MYPN: variants seen among roughly 807,000 people sequenced by gnomAD.
The protein encoded by MYPN is myopalladin, also known as sarcomeric protein myopalladin, 145 kDa (MYOP).
In MYPN, 63 loss-of-function variants were observed where a neutral mutation model predicts 129.4. The ratio of observed to expected loss-of-function variants is 0.49; its 90% CI spans 0.40 to 0.60. The LOEUF (loss-of-function observed/expected upper bound fraction) is 0.60. MYPN is among the 20% of genes least tolerant of loss of function. The pLI, the probability that MYPN is intolerant of heterozygous loss-of-function variation, is 0.00. For synonymous variants in MYPN, 629 were observed against 600.9 expected, an observed-to-expected ratio of 1.05 and a Z score of -0.68; for missense variants, 1,596 against 1,635.4, an observed-to-expected ratio of 0.98 and a Z score of 0.42.
At position 68,148,407 on chromosome 10, in the gene MYPN, T is replaced by TCCAGCAGTA. The variant is rs2042706109; in HGVS notation, c.1188_1196dup (p.Ala397_Pro399dup). 1 of 1,614,136 alleles carries TCCAGCAGTA rather than the reference T, an allele frequency of 6.2e-7. No homozygotes were observed. Among genetic ancestry groups the TCCAGCAGTA allele is most frequent in the Non-Finnish European group, 8.5e-7 (1 of 1,179,976 alleles). On this transcript the variant is annotated inframe_insertion, in exon 5 of 20. Coordinates refer to ENST00000358913, the MANE Select transcript of MYPN (RefSeq NM_032578.4). Reference sequence around the variant, plus strand: ...CTCCCACTACCTCTGCAGTCATTCCTCCAGCAGTACCCCAAGCCCAGCATT... The same window carrying TCCAGCAGTA: ...CTCCCACTACCTCTGCAGTCATTCCTCCAGCAGTACCAGCAGTACCCCAAGCCCAGCATT...
At chr10:68,129,044 A>C (rs1471753947) in intron 2 of MYPN, among the ~76,000 whole-genome samples, 4 of 151,802 alleles carry the variant, frequency 2.6e-5, no homozygotes, top group Non-Finnish European at 4.4e-5. Flanking sequence ...CCAAGAGGTC[A>C]GATTCTAAAA....
chr10:68,117,310 C>A (rs1199148308), intron 1 of MYPN, among the ~76,000 whole-genome samples: 2 of 151,054 alleles, frequency 1.3e-5, no homozygotes, highest in Admixed American at 1.3e-4. Flanking sequence ...AATTTATTGA[C>A]CACCTTCTAT....
chr10:68,178,704 C>A (rs116933839), intron 12 of MYPN, among the ~76,000 whole-genome samples: 7,386 of 112,852 alleles, frequency 0.065, 232 homozygotes, highest in Middle Eastern at 0.088. Context: ...CAGAGCGAGA[C>A]TCTGCCTCAA....
intron 1 of MYPN, among the ~76,000 whole-genome samples, chr10:68,110,154 C>T (rs1193172381): frequency 2.0e-5 from 3 of 152,112 alleles, no homozygotes; most frequent in East Asian, 3.8e-4. Context: ...TAAAAGGATA[C>T]GCTTGCTATA....
At chr10:68,178,198 C>A (rs1474829665) in intron 12 of MYPN, among the ~76,000 whole-genome samples, 1 of 152,174 alleles carries the variant, frequency 6.6e-6, no homozygotes, top group Non-Finnish European at 1.5e-5. Flanking sequence ...AGGTGCCATC[C>A]TTTCAGAGGC....
intron 13 of MYPN, among the ~76,000 whole-genome samples, chr10:68,193,797 G>GCACACACACACA (rs368376657): frequency 9.5e-4 from 121 of 127,692 alleles, no homozygotes; most frequent in African/African-American, 1.3e-3. Context: ...ATGTGTATGT[G>GCACACACACACA]CACACACACA....
intron 6 of MYPN, among the ~76,000 whole-genome samples, chr10:68,152,763 A>C (rs1201771168): frequency 1.3e-5 from 2 of 151,924 alleles, no homozygotes; most frequent in East Asian, 3.9e-4. Context: ...CAGCCTCCAG[A>C]GTAGCTGGAA....
chr10:68,191,725 T>C (rs1038444443), intron 13 of MYPN, among the ~76,000 whole-genome samples: 1 of 152,238 alleles, frequency 6.6e-6, no homozygotes, highest in African/African-American at 2.4e-5. Flanking sequence ...TTCACTTCTT[T>C]GGTTAAATTT....
Position 68,175,131 on chromosome 10 carries a change from CA to C in MYPN, c.2565-182del, listed in dbSNP as rs34499359. On this transcript the variant is annotated intron_variant, in intron 11 of 19. Transcript: ENST00000358913. ...AGCCTGGATGACAGAGACTCTGTCT[CA>C]AAAAAAAAATTTTTTAAATTAAAGT... Among the ~76,000 whole-genome samples, 148,983 of 151,720 alleles carry C rather than the reference CA, an allele frequency of 0.98. 73,200 individuals are homozygous for C. Among genetic ancestry groups the C allele is most frequent in the Middle Eastern group, 1 (294 of 294 alleles).
intron 19 of MYPN, among the ~76,000 whole-genome samples, chr10:68,207,150 C>T (rs998894824): frequency 4.6e-5 from 7 of 151,938 alleles, no homozygotes; most frequent in African/African-American, 1.2e-4. Context: ...CCCAGCTACT[C>T]GGGCAGCTGA....
At chr10:68,135,634 C>T (rs1270873003) in intron 2 of MYPN, 1 of 271,316 alleles carries the variant, frequency 3.7e-6, no homozygotes, top group Non-Finnish European at 5.6e-6. Flanking sequence ...TTTTCTGGTG[C>T]ACAAGCCTTC....
intron 6 of MYPN, among the ~76,000 whole-genome samples, chr10:68,157,254 C>T (rs867707706): frequency 1.3e-5 from 2 of 152,246 alleles, no homozygotes; most frequent in South Asian, 2.1e-4. Flanking sequence ...ATTGTGATTG[C>T]TTTTATTCCT....
chr10:68,175,139 A>T (rs1355581784), intron 11 of MYPN, among the ~76,000 whole-genome samples, 184 bp from the exon 12 acceptor site: 3 of 152,070 alleles, frequency 2.0e-5, no homozygotes, highest in Non-Finnish European at 1.5e-5. Context: ...CTCAAAAAAA[A>T]AATTTTTTAA....
At position 68,197,455 on chromosome 10, in the gene MYPN, C is replaced by T. The variant is rs372824930; in HGVS notation, c.3262C>T (p.Arg1088Cys). 1.1e-5 allele frequency: 18 copies of T among 1,613,736 alleles called. No individual in the cohort carries two copies. The highest frequency in any genetic ancestry group is 1.1e-4 in the East Asian group (5 of 44,882). ...APGDMVAHEGRLCRLDCKVSG... is the reference protein window; with the variant it reads ...APGDMVAHEGCLCRLDCKVSG... ...TGGGGATATGGTAGCTCATGAGGGG[C>T]GCCTCTGTCGGCTGGACTGTAAGGT... Residue 1088 changes from arginine (R) to cysteine (C), a missense_variant, in exon 16 of 20, where the codon CGC becomes TGC. Transcript: ENST00000358913.
chr10:68,184,608 T>C (rs2043391314), intron 12 of MYPN, among the ~76,000 whole-genome samples: 1 of 152,186 alleles, frequency 6.6e-6, no homozygotes, highest in South Asian at 2.1e-4. Flanking sequence ...TTTGTATTTT[T>C]TGAGGCATTT....
chr10:68,165,200 C>T (rs1179792832), intron 8 of MYPN, among the ~76,000 whole-genome samples: 2 of 152,110 alleles, frequency 1.3e-5, no homozygotes, highest in Non-Finnish European at 2.9e-5. Context: ...CGCCTGTAAT[C>T]CCAGGACTCT....
At chr10:68,208,259 T>G (rs987050319) in intron 19 of MYPN, among the ~76,000 whole-genome samples, 1 of 152,192 alleles carries the variant, frequency 6.6e-6, no homozygotes, top group Non-Finnish European at 1.5e-5. Flanking sequence ...GCTCTGTCTA[T>G]TACCTGATAG....
rs762310456 is a variant in MYPN at position 68,201,915 on chromosome 10, C to G, written c.3580C>G (p.Arg1194Gly). 6.2e-7 allele frequency: 1 copy of G among 1,614,010 alleles called. No individual in the cohort carries two copies. Among genetic ancestry groups the G allele is most frequent in the Non-Finnish European group, 8.5e-7 (1 of 1,180,040 alleles). Residue 1194 changes from arginine to glycine, a missense_variant, in exon 18 of 20, where the codon CGC becomes GGC. Arg to Gly is a moderately radical substitution (Grantham distance 125). Coordinates refer to ENST00000358913, the MANE Select transcript of MYPN (RefSeq NM_032578.4). ...PEGHPVRLEC[R>G]VIGMPPPVFY... The stretch of plus-strand genomic sequence containing the variant: ...AGGCCACCCCGTGAGACTGGAGTGC[C>G]GCGTGATAGGCATGCCCCCACCTGT...
intron 5 of MYPN, among the ~76,000 whole-genome samples, chr10:68,149,771 G>A (rs570476357): frequency 1.3e-5 from 2 of 152,230 alleles, no homozygotes; most frequent in African/African-American, 2.4e-5. Context: ...CCTCTTTGGA[G>A]GTTTAGGGTT....
Sources: allele counts gnomAD v4.1 joint callset (sites outside exome capture counted in the v4.1 genomes callset), GRCh38; gene constraint gnomAD v4.1.1; transcripts MANE v1.5; gene names NCBI Gene and HGNC (gene_info 2026-07-23, HGNC 2026-07-21).